RBFOX2: variants seen among roughly 807,000 people sequenced by gnomAD.
RBFOX2 encodes RNA binding protein fox-1 homolog 2.
In RBFOX2, 10 loss-of-function variants were observed where a neutral mutation model predicts 49.1. That is an observed-to-expected ratio of 0.20 (90% CI 0.13 to 0.35). The LOEUF is 0.35. Among genes scored for constraint, RBFOX2 ranks in the 10% least tolerant of loss-of-function variants. The pLI is 1.00. For synonymous variants in RBFOX2, 183 were observed against 187.4 expected, an observed-to-expected ratio of 0.98 and a Z score of 0.19; for missense variants, 323 against 486.9, an observed-to-expected ratio of 0.66 and a Z score of 3.17.
At chr22:35,822,176 G>A (rs1230795826) in intron 1 of RBFOX2, among the ~76,000 whole-genome samples, 3 of 152,158 alleles carry the variant, frequency 2.0e-5, no homozygotes, top group Non-Finnish European at 2.9e-5. Context: ...CAGAGTCTAT[G>A]ACTTGTGTCT....
intron 5 of RBFOX2, 138 bp downstream of exon 6, chr22:35,768,119 A>G: frequency 1.2e-6 from 1 of 860,698 alleles, no homozygotes. Context: ...CAAGAAGGTG[A>G]AGAAGACAGA....
intron 1 of RBFOX2, among the ~76,000 whole-genome samples, chr22:35,879,089 G>C (rs2045543606): frequency 6.6e-6 from 1 of 152,156 alleles, no homozygotes; most frequent in Non-Finnish European, 1.5e-5. Flanking sequence ...AAAGTAAAAT[G>C]GCTTTCAAAA....
intron 9 of RBFOX2, among the ~76,000 whole-genome samples, chr22:35,757,526 A>G (rs1427748809): frequency 2.0e-5 from 3 of 152,214 alleles, no homozygotes; most frequent in African/African-American, 7.2e-5. Context: ...AAAGTCATCA[A>G]ATCATATTTT....
intron 1 of RBFOX2, among the ~76,000 whole-genome samples, chr22:35,823,964 A>G (rs1955084720): frequency 6.6e-6 from 1 of 152,136 alleles, no homozygotes; most frequent in Non-Finnish European, 1.5e-5. Flanking sequence ...CCTGGCCAAC[A>G]TGGTGAAACC....
chr22:35,789,652 C>T (rs756607124), intron 2 of RBFOX2, among the ~76,000 whole-genome samples: 10 of 152,104 alleles, frequency 6.6e-5, no homozygotes, highest in Non-Finnish European at 1.0e-4. Flanking sequence ...GACTCATTTT[C>T]CTTTTCTGAA....
chr22:35,963,424 A>G (rs778610077), upstream of RBFOX2, among the ~76,000 whole-genome samples: 4 of 152,218 alleles, frequency 2.6e-5, no homozygotes, highest in Non-Finnish European at 4.4e-5. Flanking sequence ...AGTATTAAGT[A>G]TGATAAGCAC....
At chr22:35,910,298 G>A (rs374494126) in intron 1 of RBFOX2, among the ~76,000 whole-genome samples, 6 of 152,146 alleles carry the variant, frequency 3.9e-5, no homozygotes, top group East Asian at 1.9e-4. Flanking sequence ...TGAGAAACAC[G>A]GTTTAAGCAA....
chr22:35,761,606 G>A (rs1938892064), intron 6 of RBFOX2, 138 bp from the exon 8 acceptor site: 2 of 820,092 alleles, frequency 2.4e-6, no homozygotes, highest in East Asian at 2.6e-5. Context: ...CCAGCTTGGG[G>A]TTTATATGAG....
At chr22:35,755,773 T>G (rs1240421626) in intron 9 of RBFOX2, among the ~76,000 whole-genome samples, 1 of 152,066 alleles carries the variant, frequency 6.6e-6, no homozygotes, top group East Asian at 1.9e-4. Flanking sequence ...TAAAAGACTT[T>G]AAACCTGCTG....
At chr22:36,000,822 T>C (rs1442470939) in intron 1 of RBFOX2, among the ~76,000 whole-genome samples, 3 of 152,134 alleles carry the variant, frequency 2.0e-5, no homozygotes, top group Non-Finnish European at 4.4e-5. Flanking sequence ...CATCTTTCCC[T>C]TAACCTGTCT....
intron 1 of RBFOX2, among the ~76,000 whole-genome samples, chr22:35,835,257 C>G (rs1312261783): frequency 6.6e-6 from 1 of 152,060 alleles, no homozygotes; most frequent in African/African-American, 2.4e-5. Context: ...CCAATAATGT[C>G]AGATCCCGGA....
At chr22:35,771,723 C>T (rs1216222428) in intron 4 of RBFOX2, among the ~76,000 whole-genome samples, 2 of 152,138 alleles carry the variant, frequency 1.3e-5, no homozygotes, top group South Asian at 2.1e-4. Flanking sequence ...TTATCTATCA[C>T]ATTCACAATT....
At chr22:35,886,444 T>C (rs2046587497) in intron 1 of RBFOX2, among the ~76,000 whole-genome samples, 1 of 152,234 alleles carries the variant, frequency 6.6e-6, no homozygotes, top group Admixed American at 6.5e-5. Context: ...TGCTGCTTAA[T>C]GCCAGGCACA....
At chr22:35,809,586 C>G (rs1951436446) in intron 2 of RBFOX2, among the ~76,000 whole-genome samples, 194 bp downstream of exon 3, 1 of 152,018 alleles carries the variant, frequency 6.6e-6, no homozygotes, top group South Asian at 2.1e-4. Flanking sequence ...ATTGGGAGAG[C>G]TCGAAAAGCC....
intron 1 of RBFOX2, among the ~76,000 whole-genome samples, chr22:36,023,178 A>G (rs2059309115): frequency 1.3e-5 from 2 of 152,238 alleles, no homozygotes; most frequent in South Asian, 4.1e-4. Context: ...ATGAGGAAAT[A>G]AGCCCATAAA....
At chr22:35,913,415 A>T (rs1460933295) in intron 1 of RBFOX2, among the ~76,000 whole-genome samples, 1 of 151,984 alleles carries the variant, frequency 6.6e-6, no homozygotes, top group Non-Finnish European at 1.5e-5. Context: ...ATAATTTACA[A>T]GCAAAAAAAT....
At chr22:35,970,133 G>C (rs928887701) in intron 1 of RBFOX2, among the ~76,000 whole-genome samples, 6 of 152,128 alleles carry the variant, frequency 3.9e-5, no homozygotes, top group South Asian at 2.1e-4. Flanking sequence ...ATTCTCCGTC[G>C]GTTGCAATGC....
chr22:35,859,935 G>C (rs538480590), intron 1 of RBFOX2, among the ~76,000 whole-genome samples: 1 of 152,082 alleles, frequency 6.6e-6, no homozygotes, highest in Admixed American at 6.5e-5. Flanking sequence ...TTTCAGAGCA[G>C]GAAATAATTT....
rs2057412105 is a variant in RBFOX2 at position 35,980,664 on chromosome 22, T to C, written c.187-41767A>G. ...GGGTGGGGGGTGCTATGTCTCTTGG[T>C]ATTGCCCTGAGTTTTGCAAGCAGCT... On this transcript the variant is annotated intron_variant, in intron 1 of 13. Transcript: ENST00000438146. 2.0e-5 allele frequency among the ~76,000 whole-genome samples: 3 copies of C among 152,170 alleles called. No individual in the cohort carries two copies. In the South Asian group the frequency reaches 6.2e-4, roughly 32 times the overall value.
Sources: allele counts gnomAD v4.1 joint callset (sites outside exome capture counted in the v4.1 genomes callset), GRCh38; gene constraint gnomAD v4.1.1; transcripts MANE v1.5; gene names NCBI Gene and HGNC (gene_info 2026-07-23, HGNC 2026-07-21).